The following SLC10A7 variants were observed in gnomAD, a reference collection of about 807,000 sequenced individuals.
SLC10A7 encodes the protein sodium/bile acid cotransporter 7.
Under a neutral mutation model 43.2 loss-of-function variants are expected in SLC10A7, and 29 were observed. That is an observed-to-expected ratio of 0.67 (90% CI 0.50 to 0.92). The LOEUF (loss-of-function observed/expected upper bound fraction) is 0.92, where lower values mean the gene tolerates loss of function less well. Ranked by LOEUF, SLC10A7 falls within the 40% of genes least tolerant of loss-of-function variation. SLC10A7 has a pLI of 0.00. For synonymous variants in SLC10A7, 152 were observed against 144.8 expected, an observed-to-expected ratio of 1.05 and a Z score of -0.35; for missense variants, 295 against 403.2, an observed-to-expected ratio of 0.73 and a Z score of 2.30.
intron 4 of SLC10A7, among the ~76,000 whole-genome samples, chr4:146,463,646 C>T (rs1732736741): frequency 6.6e-6 from 1 of 151,802 alleles, no homozygotes. Context: ...GAGGCTGAGG[C>T]AGGAGGATTG....
intron 4 of SLC10A7, among the ~76,000 whole-genome samples, chr4:146,455,285 C>T (rs80134826): frequency 0.042 from 6,338 of 151,794 alleles, 194 homozygotes; most frequent in South Asian, 0.15. Flanking sequence ...TCCAATATCT[C>T]CTAGTGAAAT....
intron 4 of SLC10A7, among the ~76,000 whole-genome samples, chr4:146,470,828 C>T (rs1009023118): frequency 3.9e-5 from 6 of 152,160 alleles, no homozygotes; most frequent in Non-Finnish European, 8.8e-5. Context: ...TGCAGGCTAG[C>T]ATGTTGGTAT....
intron 5 of SLC10A7, among the ~76,000 whole-genome samples, chr4:146,392,317 A>G (rs1738492922): frequency 6.6e-6 from 1 of 152,178 alleles, no homozygotes; most frequent in South Asian, 2.1e-4. Context: ...AATATATTCT[A>G]TCTCCCTTAT....
At chr4:146,272,534 G>A (rs1728959775) in intron 10 of SLC10A7, among the ~76,000 whole-genome samples, 1 of 152,270 alleles carries the variant, frequency 6.6e-6, no homozygotes, top group Admixed American at 6.5e-5. Flanking sequence ...CTGCAAAGAA[G>A]CATGGAGCGG....
intron 4 of SLC10A7, among the ~76,000 whole-genome samples, chr4:146,447,264 C>G (rs983158375): frequency 6.6e-6 from 1 of 152,050 alleles, no homozygotes; most frequent in Non-Finnish European, 1.5e-5. Flanking sequence ...AGCCACCATG[C>G]CTAGCTAGAA....
chr4:146,302,638 G>T (rs1366887849), intron 7 of SLC10A7, among the ~76,000 whole-genome samples: 2 of 152,136 alleles, frequency 1.3e-5, no homozygotes, highest in Admixed American at 6.5e-5. Context: ...TAGGCAGAAA[G>T]ACACTCTAAA....
intron 4 of SLC10A7, among the ~76,000 whole-genome samples, chr4:146,451,091 T>C (rs1731543807): frequency 2.0e-5 from 3 of 150,982 alleles, no homozygotes; most frequent in African/African-American, 7.3e-5. Context: ...GAAGAAAATA[T>C]GAAACTATCT....
intron 5 of SLC10A7, among the ~76,000 whole-genome samples, chr4:146,334,148 T>C (rs904954487): frequency 6.6e-6 from 1 of 152,064 alleles, no homozygotes; most frequent in Non-Finnish European, 1.5e-5. Flanking sequence ...CAGACTCATT[T>C]TTCTTGGGAA....
At chr4:146,287,224 G>A (rs969248120) in intron 9 of SLC10A7, among the ~76,000 whole-genome samples, 5 of 152,114 alleles carry the variant, frequency 3.3e-5, no homozygotes, top group African/African-American at 4.8e-5. Context: ...GAGAAGGACC[G>A]TCTTTGGAGT....
At chr4:146,378,246 T>C (rs938823718) in intron 5 of SLC10A7, among the ~76,000 whole-genome samples, 4 of 152,254 alleles carry the variant, frequency 2.6e-5, no homozygotes, top group African/African-American at 4.8e-5. Context: ...ATCTGCTTCG[T>C]TATCAACAGT....
In SLC10A7 at chr4:146,343,056, G is replaced by T. The variant is rs547251521; in HGVS notation, c.436-17060C>A. On this transcript the variant is annotated intron_variant, in intron 5 of 11. Transcript: ENST00000335472. ...TCTTTATATAATAAATGTCATTTTT[G>T]AGGCATGCTTGTCAATCAACTATTA... Among the ~76,000 whole-genome samples, 32 of 151,888 alleles carry T rather than the reference G, an allele frequency of 2.1e-4. No individual in the cohort carries two copies. The South Asian group carries it at 3.3e-3, about 16-fold the overall frequency.
intron 5 of SLC10A7, among the ~76,000 whole-genome samples, chr4:146,337,922 A>T (rs970869464): frequency 2.9e-4 from 44 of 151,986 alleles, no homozygotes; most frequent in African/African-American, 1.1e-3. Flanking sequence ...AGAGTCAACG[A>T]TTACATATAT....
At chr4:146,471,300 C>T (rs931580351) in intron 4 of SLC10A7, among the ~76,000 whole-genome samples, 7 of 152,178 alleles carry the variant, frequency 4.6e-5, no homozygotes, top group African/African-American at 1.4e-4. Flanking sequence ...TAAATTTAGG[C>T]ATATACTAAA....
At chr4:146,269,724 C>T (rs903230217) in intron 10 of SLC10A7, among the ~76,000 whole-genome samples, 3 of 152,252 alleles carry the variant, frequency 2.0e-5, no homozygotes, top group Admixed American at 2.0e-4. Context: ...CCTATTGAGT[C>T]TGATGCAAAG....
intron 5 of SLC10A7, among the ~76,000 whole-genome samples, chr4:146,381,892 G>A (rs1401939469): frequency 6.6e-6 from 1 of 151,964 alleles, no homozygotes; most frequent in Non-Finnish European, 1.5e-5. Flanking sequence ...TAGCCCTAAA[G>A]TCTAAAATCT....
chr4:146,303,078 A>G (rs1051707321), intron 7 of SLC10A7, among the ~76,000 whole-genome samples: 1 of 152,174 alleles, frequency 6.6e-6, no homozygotes, highest in African/African-American at 2.4e-5. Flanking sequence ...GGAGGGTAGG[A>G]GGGAAGCCAG....
At chr4:146,510,563 A>AT (rs924953923) in intron 2 of SLC10A7, among the ~76,000 whole-genome samples, 1 of 152,076 alleles carries the variant, frequency 6.6e-6, no homozygotes, top group African/African-American at 2.4e-5. Flanking sequence ...CTGGCCTAAA[A>AT]TTTTTTAAAT....
intron 5 of SLC10A7, among the ~76,000 whole-genome samples, chr4:146,418,062 A>T (rs1294106137): frequency 6.6e-6 from 1 of 152,040 alleles, no homozygotes; most frequent in Admixed American, 6.6e-5. Flanking sequence ...AGAAAAGAAT[A>T]GGGGAGGAAA....
chr4:146,503,837 C>T lies in SLC10A7; in HGVS notation c.396+12G>A. 6.2e-7 allele frequency: 1 copy of T among 1,612,212 alleles called. No homozygotes were observed. Among genetic ancestry groups the T allele is most frequent in the Non-Finnish European group, 8.5e-7 (1 of 1,178,348 alleles). On this transcript the variant is annotated intron_variant, in intron 4 of 11. Coordinates refer to ENST00000335472, the MANE Select transcript of SLC10A7 (RefSeq NM_001029998.6). ...TGCACTTATGTTTAAATAAGGTAGC[C>T]CCATGACTCACCTCATTTCCACCAA...
Sources: allele counts gnomAD v4.1 joint callset (sites outside exome capture counted in the v4.1 genomes callset), GRCh38; gene constraint gnomAD v4.1.1; transcripts MANE v1.5; gene names NCBI Gene and HGNC (gene_info 2026-07-23, HGNC 2026-07-21).